The following SELENOM variants were observed in gnomAD, a reference collection of about 807,000 sequenced individuals.
SELENOM encodes selenoprotein SelM.
SELENOM carries 17 observed loss-of-function variants against 14.5 expected under a neutral mutation model. The observed-to-expected ratio is 1.17, with a 90% CI of 0.80 to 1.76. The LOEUF (loss-of-function observed/expected upper bound fraction) is 1.76. SELENOM is among the 40% of genes most tolerant of loss of function. SELENOM has a pLI of 0.00. For synonymous variants in SELENOM, 102 were observed against 93.3 expected, an observed-to-expected ratio of 1.09 and a Z score of -0.54; for missense variants, 230 against 204.6, an observed-to-expected ratio of 1.12 and a Z score of -0.76.
chr22:31,106,557 C>T (rs534078853), intron 1 of SELENOM: 1 of 163,414 alleles, frequency 6.1e-6, no homozygotes, highest in East Asian at 1.9e-4. Flanking sequence ...GGAGTCTAGA[C>T]CCCAGGACCA....
Position 31,104,834 on chromosome 22 carries a change from C to G in SELENOM, c.*136G>C, listed in dbSNP as rs1248805717. The G allele has an allele frequency of 1.1e-6, 1 of 941,180 alleles. No individual in the cohort carries two copies. Among genetic ancestry groups the G allele is most frequent in the Non-Finnish European group, 1.5e-6 (1 of 671,106 alleles). 58.3% of individuals were successfully genotyped at this position (941,180 alleles called of 1,614,324 possible). On this transcript the variant is annotated 3_prime_UTR_variant, in exon 5 of 5. Transcript: ENST00000400299. ...AAGGAAGAAAGTGGGGTTGGGAGAA[C>G]CTCCCCAACCCCATCCCTGCTGGCC...
intron 1 of SELENOM, 192 bp from the exon 2 acceptor site, chr22:31,106,157 C>G: frequency 4.8e-6 from 3 of 631,452 alleles, no homozygotes; most frequent in Non-Finnish European, 5.7e-6. Flanking sequence ...GGTGGGGAGA[C>G]TCAGGCCTAG....
In SELENOM at chr22:31,105,039, C is replaced by T; in HGVS notation, c.369G>A (p.Gln123=). The change falls in exon 5 of 5, where the codon CAG becomes CAA. Residue 123 remains glutamine, a synonymous_variant. Coordinates refer to ENST00000400299, the MANE Select transcript of SELENOM (RefSeq NM_080430.4). ...GFYRKAAPDA[Q]VPPEYVWAPA... is the part of the protein sequence containing the mutation. ...GCGCCCACACGTACTCGGGGGGCAC[C>T]TGCGCGTCGGGCGCCGCCTTGCGGT... The T allele has an allele frequency of 6.2e-7, 1 of 1,611,736 alleles. No individual in the cohort carries two copies. The highest frequency in any genetic ancestry group is 8.5e-7 in the Non-Finnish European group (1 of 1,179,504).
chr22:31,105,857 AT>A (rs2044398570), intron 2 of SELENOM, 72 bp downstream of exon 2: 9 of 1,529,800 alleles, frequency 5.9e-6, no homozygotes, highest in Non-Finnish European at 8.2e-6. Context: ...CGCCCCAGTC[AT>A]TGGGACCATG....
rs773554197 is a variant in SELENOM at position 31,105,642 on chromosome 22, C to T, written c.200+16G>A. The T allele has an allele frequency of 3.7e-6, 6 of 1,613,562 alleles. No homozygotes were observed. In the African/African-American group the frequency reaches 4.0e-5, roughly 11 times the overall value. On this transcript the variant is annotated intron_variant, in intron 3 of 4. Coordinates refer to ENST00000400299, the MANE Select transcript of SELENOM (RefSeq NM_080430.4). ...GGTGCCCATCCCATTTCCCCTCCCCCAGAACAGAAGGATACTAGAATGGAA... is the reference window on the plus strand; with the variant it reads ...GGTGCCCATCCCATTTCCCCTCCCCTAGAACAGAAGGATACTAGAATGGAA...
intron 2 of SELENOM, 52 bp from the exon 3 acceptor site, chr22:31,105,744 C>T (rs1273491806): frequency 6.3e-7 from 1 of 1,594,190 alleles, no homozygotes. Flanking sequence ...ACTCGAGGTA[C>T]AGACGAGACA....
intron 3 of SELENOM, 28 bp from the exon 4 acceptor site, chr22:31,105,314 G>T: frequency 6.3e-7 from 1 of 1,589,426 alleles, no homozygotes. Context: ...GAGCGGGGTG[G>T]TGGGCAGAGG....
Position 31,104,857 on chromosome 22 carries a change from G to GC in SELENOM, c.*112dup. The GC allele has an allele frequency of 8.1e-7, 1 of 1,237,150 alleles. No homozygotes were observed. The highest frequency in any genetic ancestry group is 1.1e-6 in the Non-Finnish European group (1 of 914,280). 76.6% of individuals were successfully genotyped at this position (1,237,150 alleles called of 1,614,324 possible). Reference sequence around the variant, plus strand: ...AACCTCCCCAACCCCATCCCTGCTGGCCCGGGGACGGGCATCGGCTCTCAG... The same window carrying GC: ...AACCTCCCCAACCCCATCCCTGCTGGCCCCGGGGACGGGCATCGGCTCTCAG... On this transcript the variant is annotated 3_prime_UTR_variant, in exon 5 of 5. Coordinates refer to ENST00000400299, the MANE Select transcript of SELENOM (RefSeq NM_080430.4).
chr22:31,105,858 T>C lies in SELENOM; in HGVS notation c.165+72A>G, dbSNP rs893266897. 222 of 1,527,930 alleles carry C rather than the reference T, an allele frequency of 1.5e-4. 1 individual carries two copies. The highest frequency in any genetic ancestry group is 4.1e-4 in the South Asian group (37 of 89,370). 94.6% of individuals were successfully genotyped at this position (1,527,930 alleles called of 1,614,324 possible). A position where few individuals can be genotyped will look rare whatever the true frequency, so the allele number is the denominator to read the frequency against. ...CCTTCCCCCCTCCCCGCCCCAGTCATTGGGACCATGTTGCCCACTCCCCAA... is the reference window on the plus strand; with the variant it reads ...CCTTCCCCCCTCCCCGCCCCAGTCACTGGGACCATGTTGCCCACTCCCCAA... On this transcript the variant is annotated intron_variant, in intron 2 of 4. Transcript: ENST00000400299.
rs749763670 is a variant in SELENOM, at chr22:31,105,305, A to T, written c.201-19T>A. ...GTTGTGACTGGAGGTGGTGTTAAGG[A>T]GCGGGGTGGTGGGCAGAGGGAGGTG... On this transcript the variant is annotated intron_variant, in intron 3 of 4. Coordinates refer to ENST00000400299, the MANE Select transcript of SELENOM (RefSeq NM_080430.4). The T allele has an allele frequency of 3.7e-6, 6 of 1,601,930 alleles. No homozygotes were observed. The highest frequency in any genetic ancestry group is 1.1e-5 in the South Asian group (1 of 89,392).
Position 31,104,915 on chromosome 22 carries a change from C to T in SELENOM, c.*55G>A. 2 of 1,491,124 alleles carry T rather than the reference C, an allele frequency of 1.3e-6. No individual in the cohort carries two copies. The highest frequency in any genetic ancestry group is 1.8e-6 in the Non-Finnish European group (2 of 1,120,146). The allele number at this position is 1,491,124 out of a possible 1,614,324, so 92.4% of individuals were successfully genotyped here. On this transcript the variant is annotated 3_prime_UTR_variant, in exon 5 of 5. Coordinates refer to ENST00000400299, the MANE Select transcript of SELENOM (RefSeq NM_080430.4). ...AGTATTCCCGGGATGCTGAGCGCTT[C>T]ATTCTGTCTCCAGGACTCAGGCAGG... is the stretch of plus-strand genomic sequence containing the variant.
intron 2 of SELENOM, 97 bp from the exon 3 acceptor site, chr22:31,105,789 G>T: frequency 6.6e-7 from 1 of 1,504,980 alleles, no homozygotes; most frequent in Non-Finnish European, 9.3e-7. Flanking sequence ...CAAGTCAGGT[G>T]CAGGCTAGAC....
chr22:31,105,423 C>T (rs1326381342), intron 3 of SELENOM, 137 bp from the exon 4 acceptor site: 4 of 926,118 alleles, frequency 4.3e-6, no homozygotes, highest in Non-Finnish European at 6.6e-6. Context: ...TCCGCTTATA[C>T]GTGAGAAAAT....
At chr22:31,106,203 C>G (rs887119356) in intron 1 of SELENOM, 1 of 585,430 alleles carries the variant, frequency 1.7e-6, no homozygotes, top group Non-Finnish European at 3.1e-6. Context: ...CAGAGACCCA[C>G]AGTGTGCCTG....
chr22:31,105,127 C>T lies in SELENOM; in HGVS notation c.281G>A (p.Arg94His). Reference sequence around the variant, plus strand: ...GCGGGTCATTTCACTGAGTGGGATGCGCTGAGGCGGAGGAGGGGCGGGGTC... The same window carrying T: ...GCGGGTCATTTCACTGAGTGGGATGTGCTGAGGCGGAGGAGGGGCGGGGTC... Reference protein sequence around the residue: ...LLGRRYEELERIPLSEMTREE... With the variant: ...LLGRRYEELEHIPLSEMTREE... The change falls in exon 5 of 5, where the codon CGC (arginine) becomes CAC (histidine). Residue 94 changes from arginine to histidine, a missense_variant and splice_region_variant. Transcript: ENST00000400299. The T allele has an allele frequency of 1.9e-6, 3 of 1,613,380 alleles. No homozygotes were observed. The highest frequency in any genetic ancestry group is 2.5e-6 in the Non-Finnish European group (3 of 1,179,704).
chr22:31,104,945 T>A lies in SELENOM; in HGVS notation c.*25A>T, dbSNP rs2044374175. On this transcript the variant is annotated 3_prime_UTR_variant, in exon 5 of 5. Transcript: ENST00000400299. The stretch of plus-strand genomic sequence containing the variant: ...TGTCTCCAGGACTCAGGCAGGTAGG[T>A]CCCAGCTCCGCCGCGCCCCCGGACC... 6.5e-7 allele frequency: 1 copy of A among 1,534,872 alleles called. No homozygotes were observed. Among genetic ancestry groups the A allele is most frequent in the Non-Finnish European group, 8.7e-7 (1 of 1,144,826 alleles).
Position 31,107,458 on chromosome 22 carries a change from C to G in SELENOM, c.48G>C (p.Ala16=). ...PPLALLLLLA[A]LVAPATAATA... ...TGGCGGCTGTGGCTGGGGCCACAAG[C>G]GCCGCGAGAAGCAGCAGCAGCGCCA... Residue 16 remains alanine (A), a synonymous_variant, in exon 1 of 5, where the codon GCG becomes GCC. Transcript: ENST00000400299. The G allele has an allele frequency of 6.4e-7, 1 of 1,562,674 alleles. No homozygotes were observed. The highest frequency in any genetic ancestry group is 1.2e-5 in the South Asian group (1 of 85,336).
chr22:31,105,988 AG>A, intron 1 of SELENOM, 23 bp from the exon 2 acceptor site: 1 of 1,610,820 alleles, frequency 6.2e-7, no homozygotes, highest in Non-Finnish European at 8.5e-7. Flanking sequence ...AAAATGGGAT[AG>A]GTCAGGAGTC....
rs1317160708 is a variant in SELENOM at position 31,105,200 on chromosome 22, G to A, written c.279+8C>T. ...GCCTCGCCCCCAGCCCACCTCCCAC[G>A]GCCTCACCTCTAGTTCCTCGTAGCG... On this transcript the variant is annotated splice_region_variant and intron_variant, in intron 4 of 4. Transcript: ENST00000400299. 5 of 1,613,142 alleles carry A rather than the reference G, an allele frequency of 3.1e-6. No homozygotes were observed. The South Asian group carries it at 3.3e-5, about 11-fold the overall frequency.
Sources: gnomAD v4.1 joint callset for allele counts on GRCh38, gnomAD v4.1.1 for gene constraint, MANE v1.5 for transcripts, NCBI Gene and HGNC (gene_info 2026-07-23, HGNC 2026-07-21) for gene names.